Variants in MYH15 observed in about 807,000 individuals in gnomAD.
MYH15 encodes myosin-15.
A neutral mutation model predicts 240.5 loss-of-function variants in MYH15; 227 were observed. The observed-to-expected ratio is 0.94, with a 90% CI of 0.85 to 1.05. The LOEUF (loss-of-function observed/expected upper bound fraction) is 1.05, where lower values mean the gene tolerates loss of function less well. MYH15 is among the 50% of genes least tolerant of loss of function. The probability of loss-of-function intolerance (pLI) is 0.00; values close to 1 mark genes in which losing one functional copy is unlikely to be tolerated. For synonymous variants in MYH15, 785 were observed against 796.7 expected, an observed-to-expected ratio of 0.99 and a Z score of 0.25; for missense variants, 2,217 against 2,247.5, an observed-to-expected ratio of 0.99 and a Z score of 0.27.
At chr3:108,521,027 T>G (rs1459176531) in intron 1 of MYH15, among the ~76,000 whole-genome samples, 1 of 152,074 alleles carries the variant, frequency 6.6e-6, no homozygotes, top group South Asian at 2.1e-4. Flanking sequence ...GGAGAAAAGA[T>G]TTGAGCCTAG....
At chr3:108,397,933 T>C (rs1055615507) in intron 35 of MYH15, among the ~76,000 whole-genome samples, 1 of 152,276 alleles carries the variant, frequency 6.6e-6, no homozygotes, top group Middle Eastern at 3.4e-3. Context: ...GTGGATGCCC[T>C]GACAATCCAT....
intron 29 of MYH15, among the ~76,000 whole-genome samples, chr3:108,416,008 G>T (rs1389878191): frequency 1.3e-5 from 2 of 152,134 alleles, no homozygotes; most frequent in Admixed American, 1.3e-4. Flanking sequence ...CAGAGCCTTG[G>T]TTTTTTCATA....
chr3:108,469,357 A>G (rs1438305458), intron 14 of MYH15, among the ~76,000 whole-genome samples: 1 of 152,226 alleles, frequency 6.6e-6, no homozygotes, highest in African/African-American at 2.4e-5. Flanking sequence ...GTAACTGCTA[A>G]CATGCCGCCA....
intron 11 of MYH15, among the ~76,000 whole-genome samples, chr3:108,484,326 A>T (rs2083289621): frequency 6.6e-6 from 1 of 152,086 alleles, no homozygotes; most frequent in Admixed American, 6.6e-5. Context: ...AGATTTTTTT[A>T]AATGTGAAGA....
rs542527669 is a variant in MYH15 at position 108,469,918 on chromosome 3, G to A, written c.1554+124C>T. The A allele has an allele frequency of 5.6e-5, 50 of 892,848 alleles. No homozygotes were observed. The South Asian group carries it at 9.1e-4, about 16-fold the overall frequency. The allele number at this position is 892,848 out of a possible 1,614,324, so 55.3% of individuals were successfully genotyped here. ...CACACAAACACCATTAAGATAAAATGTGCAGGGCTTTCCGCCCCCATTTCC... is the reference window on the plus strand; with the variant it reads ...CACACAAACACCATTAAGATAAAATATGCAGGGCTTTCCGCCCCCATTTCC... On this transcript the variant is annotated intron_variant, in intron 14 of 40. Coordinates refer to ENST00000693548, the MANE Select transcript of MYH15 (RefSeq NM_014981.3).
chr3:108,495,853 A>T lies in MYH15; in HGVS notation c.638T>A (p.Ile213Asn). The T allele has an allele frequency of 6.2e-7, 1 of 1,611,002 alleles. No individual in the cohort carries two copies. Among genetic ancestry groups the T allele is most frequent in the South Asian group, 1.1e-5 (1 of 90,286 alleles). The change falls in exon 7 of 41, where the codon ATC becomes AAC. Residue 213 changes from isoleucine (I) to asparagine (N), a missense_variant. Transcript: ENST00000693548. ...RKKQGALEDQIMQANTILEAF... is the reference protein window; with the variant it reads ...RKKQGALEDQNMQANTILEAF... ...TTCCAAGATAGTATTCGCTTGCATG[A>T]TTTGATCTTCTAACGCCCCCTGAGA... is the stretch of plus-strand genomic sequence containing the variant.
chr3:108,445,997 T>C (rs1251606305), intron 21 of MYH15, among the ~76,000 whole-genome samples: 1 of 152,126 alleles, frequency 6.6e-6, no homozygotes, highest in Admixed American at 6.5e-5. Flanking sequence ...GACTCCAGGA[T>C]GACCCTTACA....
intron 25 of MYH15, 116 bp from the exon 26 acceptor site, chr3:108,431,038 AT>A: frequency 1.4e-6 from 1 of 724,442 alleles, no homozygotes; most frequent in Non-Finnish European, 2.3e-6. Flanking sequence ...GGTGATAGAT[AT>A]CCCAATTACC....
In MYH15 at chr3:108,405,368, GA is replaced by G. The variant is rs2082539027; in HGVS notation, c.4705del (p.Ser1569GlnfsTer7). On this transcript the variant is annotated frameshift_variant, in exon 33 of 41. Coordinates refer to ENST00000693548, the MANE Select transcript of MYH15 (RefSeq NM_014981.3). LOFTEE classifies it high-confidence loss of function. ...ATTTTCTATTTCTTCATCTTTCTCT[GA>G]AAGCTTTCTTTCAAGTTCTGCTTTA... ...EAKAELERKL[S>X]EKDEEIENFR... 1.3e-6 allele frequency: 2 copies of G among 1,509,728 alleles called. No individual in the cohort carries two copies. Among genetic ancestry groups the G allele is most frequent in the Admixed American group, 1.8e-5 (1 of 56,256 alleles). 93.5% of individuals were successfully genotyped at this position (1,509,728 alleles called of 1,614,324 possible).
intron 33 of MYH15, among the ~76,000 whole-genome samples, chr3:108,403,227 G>T (rs2082520884): frequency 6.6e-6 from 1 of 152,206 alleles, no homozygotes; most frequent in African/African-American, 2.4e-5. Flanking sequence ...GGAAGACATG[G>T]CTTGGCAGCA....
chr3:108,468,942 A>T (rs1359250594), intron 14 of MYH15, among the ~76,000 whole-genome samples: 1 of 152,232 alleles, frequency 6.6e-6, no homozygotes, highest in Non-Finnish European at 1.5e-5. Context: ...TTATAAGGCC[A>T]GAATACATAC....
At chr3:108,435,158 T>C (rs1276553702) in intron 25 of MYH15, among the ~76,000 whole-genome samples, 1 of 152,238 alleles carries the variant, frequency 6.6e-6, no homozygotes, top group Non-Finnish European at 1.5e-5. Flanking sequence ...CCATTTTATT[T>C]GTGTTGGCGT....
chr3:108,456,896 AAG>A lies in MYH15; in HGVS notation c.2021-15_2021-14del, dbSNP rs770122364. ...GGGTCCAGTATACCTGGAAAAAAAA[AAG>A]AGTCATGGTGGATCTGTGCCTGAAA... On this transcript the variant is annotated splice_polypyrimidine_tract_variant and intron_variant, in intron 18 of 40. Transcript: ENST00000693548. 8 of 1,581,406 alleles carry A rather than the reference AAG, an allele frequency of 5.1e-6. No individual in the cohort carries two copies. In the Admixed American group the frequency reaches 8.6e-5, roughly 17 times the overall value.
rs1477700442 is a variant in MYH15 at position 108,463,114 on chromosome 3, T to C, written c.1861A>G (p.Ser621Gly). Residue 621 changes from serine (S) to glycine (G), a missense_variant, in exon 16 of 41, where the codon AGT (serine) becomes GGT (glycine). Ser to Gly is a moderately conservative substitution (Grantham distance 56). Coordinates refer to ENST00000693548, the MANE Select transcript of MYH15 (RefSeq NM_014981.3). Reference sequence around the variant, plus strand: ...CAAGGAAGATTGTATGACTCACCACTGTCAGTACTCATGTAATTTTCAAAA... The same window carrying C: ...CAAGGAAGATTGTATGACTCACCACCGTCAGTACTCATGTAATTTTCAAAA... ...SLFENYMSTD[S>G]AIPFGEKKRK... 6.2e-7 allele frequency: 1 copy of C among 1,607,062 alleles called. No homozygotes were observed.
rs758876374 is a variant in MYH15 at position 108,414,338 on chromosome 3, C to G, written c.4039G>C (p.Ala1347Pro). The G allele has an allele frequency of 1.9e-6, 3 of 1,614,176 alleles. No individual in the cohort carries two copies. The highest frequency in any genetic ancestry group is 3.3e-5 in the Admixed American group (2 of 60,030). Residue 1347 changes from alanine (A) to proline (P), a missense_variant, in exon 30 of 41, where the codon GCT becomes CCT. Transcript: ENST00000693548. ...EQYEEEQEVKAELHRTLSKVN... is the reference protein window; with the variant it reads ...EQYEEEQEVKPELHRTLSKVN... Reference sequence around the variant, plus strand: ...TTGGATAAGGTCCGGTGCAGCTCAGCCTTGACCTCTTGTTCTTCCTCATAC... The same window carrying G: ...TTGGATAAGGTCCGGTGCAGCTCAGGCTTGACCTCTTGTTCTTCCTCATAC...
intron 18 of MYH15, 36 bp from the exon 19 acceptor site, chr3:108,456,919 T>C: frequency 6.8e-7 from 1 of 1,465,280 alleles, no homozygotes; most frequent in Non-Finnish European, 9.4e-7. Context: ...GATCTGTGCC[T>C]GAAAAAAAAT....
chr3:108,495,937 C>A, intron 6 of MYH15, 65 bp from the exon 7 acceptor site: 1 of 1,229,746 alleles, frequency 8.1e-7, no homozygotes, highest in Non-Finnish European at 1.1e-6. Context: ...ATGCGGCAAG[C>A]CCTCCATCTC....
At chr3:108,477,195 A>G (rs2083228850) in intron 11 of MYH15, among the ~76,000 whole-genome samples, 1 of 152,176 alleles carries the variant, frequency 6.6e-6, no homozygotes, top group Admixed American at 6.5e-5. Flanking sequence ...TGAAAACATT[A>G]TGCTAAGTGA....
At chr3:108,432,284 C>T (rs1464117474) in intron 25 of MYH15, among the ~76,000 whole-genome samples, 2 of 152,076 alleles carry the variant, frequency 1.3e-5, no homozygotes, top group Non-Finnish European at 2.9e-5. Context: ...GTCTCTAAGT[C>T]CTGAGCTCAG....
Sources: allele counts gnomAD v4.1 joint callset (sites outside exome capture counted in the v4.1 genomes callset), GRCh38; gene constraint gnomAD v4.1.1; transcripts MANE v1.5; gene names NCBI Gene and HGNC (gene_info 2026-07-23, HGNC 2026-07-21).